Variants in PCDHGA4 observed in about 807,000 individuals in gnomAD.
PCDHGA4 encodes the protein protocadherin gamma-A4.
PCDHGA4 carries 38 observed loss-of-function variants against 54.6 expected under a neutral mutation model. The ratio of observed to expected loss-of-function variants is 0.70; its 90% CI spans 0.54 to 0.91. The LOEUF (loss-of-function observed/expected upper bound fraction) is 0.91. PCDHGA4 is among the 40% of genes least tolerant of loss of function. PCDHGA4 has a pLI of 0.00. For synonymous variants in PCDHGA4, 511 were observed against 512.9 expected, an observed-to-expected ratio of 1.00 and a Z score of 0.05; for missense variants, 1,298 against 1,220.9, an observed-to-expected ratio of 1.06 and a Z score of -0.94.
chr5:141,372,491 C>A (rs1413236125), intron 1 of PCDHGA4: 2 of 1,613,944 alleles, frequency 1.2e-6, no homozygotes, highest in Non-Finnish European at 1.7e-6. Flanking sequence ...TGGCCTTGAT[C>A]TCAGTGCTCT....
chr5:141,489,089 A>C lies in PCDHGA4; in HGVS notation c.2515-5718A>C. 6 of 284,452 alleles carry C rather than the reference A, an allele frequency of 2.1e-5. No individual in the cohort carries two copies. The highest frequency in any genetic ancestry group is 5.7e-5 in the East Asian group (1 of 17,568). The allele number at this position is 284,452 out of a possible 1,614,324, so 17.6% of individuals were successfully genotyped here. A position where few individuals can be genotyped will look rare whatever the true frequency, so the allele number is the denominator to read the frequency against. Reference sequence around the variant, plus strand: ...CCCTGCCCACCCCCGCCACTCGGTGACTAAGAACTGCTGCAAGCAGGCAAA... The same window carrying C: ...CCCTGCCCACCCCCGCCACTCGGTGCCTAAGAACTGCTGCAAGCAGGCAAA... On this transcript the variant is annotated intron_variant, in intron 1 of 3. Transcript: ENST00000571252. This position sits in a 1 kb window ranked among gnomAD's most constrained non-coding sequence, Gnocchi z 4.5.
At chr5:141,428,241 A>C (rs1416124194) in intron 1 of PCDHGA4, 1 of 961,518 alleles carries the variant, frequency 1.0e-6, no homozygotes, top group Admixed American at 2.0e-5. Flanking sequence ...TGCAGGAGGC[A>C]CTGCCAGACT....
chr5:141,470,742 G>T (rs2099238719), intron 1 of PCDHGA4, among the ~76,000 whole-genome samples: 1 of 152,066 alleles, frequency 6.6e-6, no homozygotes, highest in African/African-American at 2.4e-5. Flanking sequence ...CTGTCGCCCT[G>T]GCTGGAGTGC....
chr5:141,375,097 G>T (rs377388001), intron 1 of PCDHGA4: 1 of 1,613,904 alleles, frequency 6.2e-7, no homozygotes, highest in Non-Finnish European at 8.5e-7. Flanking sequence ...TAACTATCTT[G>T]GATGTCAATG....
intron 1 of PCDHGA4, chr5:141,409,747 C>T (rs771456718): frequency 1.2e-6 from 2 of 1,612,994 alleles, no homozygotes; most frequent in East Asian, 2.2e-5. Flanking sequence ...GGGTGGTGTT[C>T]GCGCAGCGCG....
At chr5:141,374,798 A>T in intron 1 of PCDHGA4, 1 of 1,613,784 alleles carries the variant, frequency 6.2e-7, no homozygotes, top group Non-Finnish European at 8.5e-7. Flanking sequence ...GAATGACAAC[A>T]CTCCAATGTT....
At chr5:141,474,965 A>T (rs1268347441) in intron 1 of PCDHGA4, among the ~76,000 whole-genome samples, 1 of 152,236 alleles carries the variant, frequency 6.6e-6, no homozygotes, top group Non-Finnish European at 1.5e-5. Context: ...TATCCTAATC[A>T]TTATAATTTT....
intron 1 of PCDHGA4, among the ~76,000 whole-genome samples, chr5:141,455,959 G>T (rs112864392): frequency 0.11 from 16,680 of 150,504 alleles, 1,459 homozygotes; most frequent in African/African-American, 0.24. Context: ...GTGCAGTGGC[G>T]CGATCTCAGC....
intron 1 of PCDHGA4, among the ~76,000 whole-genome samples, chr5:141,380,531 AT>A (rs543704325): frequency 5.7e-4 from 87 of 152,348 alleles, no homozygotes; most frequent in African/African-American, 2.0e-3. Flanking sequence ...AATGATTTCA[AT>A]TTGATACAAT....
intron 1 of PCDHGA4, chr5:141,404,899 T>C (rs768489392): frequency 6.2e-7 from 1 of 1,613,718 alleles, no homozygotes; most frequent in East Asian, 2.2e-5. Flanking sequence ...TACAGGACCA[T>C]GGCCAGCCCC....
At position 141,497,121 on chromosome 5, in the gene PCDHGA4, G is replaced by T. The variant is rs185298630; in HGVS notation, c.2573+2256G>T. Among the ~76,000 whole-genome samples, 563 of 152,212 alleles carry T rather than the reference G, an allele frequency of 3.7e-3. 5 individuals are homozygous for T. The highest frequency in any genetic ancestry group is 0.011 in the Admixed American group (164 of 15,296). On this transcript the variant is annotated intron_variant, in intron 2 of 3. Coordinates refer to ENST00000571252, the MANE Select transcript of PCDHGA4 (RefSeq NM_018917.4). Reference sequence around the variant, plus strand: ...GAACTGCTTGAACCCGGAAGGCAGAGGTTGCAGTGAGCTGAGATCACGAAA... The same window carrying T: ...GAACTGCTTGAACCCGGAAGGCAGATGTTGCAGTGAGCTGAGATCACGAAA...
rs1760157547 is a variant in PCDHGA4, at chr5:141,356,225, A to T, written c.1118A>T (p.Asp373Val). Residue 373 changes from aspartate (D) to valine (V), a missense_variant, in exon 1 of 4, where the codon GAC (aspartate) becomes GTC (valine). By Grantham distance (152) the Asp-to-Val change is radical (BLOSUM62 -3). Transcript: ENST00000571252. The part of the protein sequence containing the change: ...KVLVTVLDEN[D>V]NAPEVTVTSL... ...CTGGTGACAGTTCTGGATGAAAATG[A>T]CAACGCACCAGAAGTCACAGTTACA... 3.8e-6 allele frequency: 6 copies of T among 1,596,084 alleles called. No homozygotes were observed. The highest frequency in any genetic ancestry group is 5.1e-6 in the Non-Finnish European group (6 of 1,170,762).
chr5:141,414,587 G>C (rs775783880), intron 1 of PCDHGA4: 3 of 1,613,828 alleles, frequency 1.9e-6, no homozygotes, highest in Admixed American at 3.3e-5. Context: ...AACAACGCCA[G>C]GGGTGCCTCC....
Position 141,489,090 on chromosome 5 carries a change from C to CAAA in PCDHGA4, c.2515-5717_2515-5716insAAA. ...CCTGCCCACCCCCGCCACTCGGTGA[C>CAAA]TAAGAACTGCTGCAAGCAGGCAAAC... is the stretch of plus-strand genomic sequence containing the variant. On this transcript the variant is annotated intron_variant, in intron 1 of 3. Transcript: ENST00000571252. The surrounding 1 kb of genome is among the most constrained non-coding windows in gnomAD (Gnocchi z 4.5). 7 of 328,768 alleles carry CAAA rather than the reference C, an allele frequency of 2.1e-5. No homozygotes were observed. The highest frequency in any genetic ancestry group is 6.1e-5 in the Admixed American group (1 of 16,494). The allele number at this position is 328,768 out of a possible 1,614,324, so 20.4% of individuals were successfully genotyped here. A position where few individuals can be genotyped will look rare whatever the true frequency, so the allele number is the denominator to read the frequency against.
chr5:141,425,585 A>T (rs1270579511), intron 1 of PCDHGA4, among the ~76,000 whole-genome samples: 1 of 152,252 alleles, frequency 6.6e-6, no homozygotes, highest in Non-Finnish European at 1.5e-5. Context: ...GGCTAACTTT[A>T]TTCTGAATAT....
chr5:141,383,890 G>A lies in PCDHGA4; in HGVS notation c.2514+26269G>A, dbSNP rs1274384804. 3.1e-6 allele frequency: 5 copies of A among 1,613,936 alleles called. No individual in the cohort carries two copies. Among genetic ancestry groups the A allele is most frequent in the Non-Finnish European group, 4.2e-6 (5 of 1,179,896 alleles). On this transcript the variant is annotated intron_variant, in intron 1 of 3. Transcript: ENST00000571252. The stretch of plus-strand genomic sequence containing the variant: ...AGATGGTCCTGGTAGTCTGACAAAG[G>A]CAAAAGTACTGATCACAGTTTTAGA...
At chr5:141,408,775 C>T (rs780901987) in intron 1 of PCDHGA4, 7 of 1,611,568 alleles carry the variant, frequency 4.3e-6, no homozygotes, top group Non-Finnish European at 5.9e-6. Context: ...GTGGCAAATA[C>T]CCAGAGTTAT....
Position 141,432,010 on chromosome 5 carries a change from CT to C in PCDHGA4, c.2515-62796del. The C allele has an allele frequency of 6.2e-7, 1 of 1,614,068 alleles. No individual in the cohort carries two copies. Among genetic ancestry groups the C allele is most frequent in the Non-Finnish European group, 8.5e-7 (1 of 1,180,022 alleles). ...TCTTGGATAGGGAACAGGTTCCTAG[CT>C]ACAACATCACAGTGACCGCCACTGA... On this transcript the variant is annotated intron_variant, in intron 1 of 3. Coordinates refer to ENST00000571252, the MANE Select transcript of PCDHGA4 (RefSeq NM_018917.4). This position sits in a 1 kb window ranked among gnomAD's most constrained non-coding sequence, Gnocchi z 6.0.
chr5:141,390,264 G>C lies in PCDHGA4; in HGVS notation c.2514+32643G>C, dbSNP rs771554792. 18 of 1,614,004 alleles carry C rather than the reference G, an allele frequency of 1.1e-5. No individual in the cohort carries two copies. In the African/African-American group the frequency reaches 2.1e-4, roughly 19 times the overall value. Reference sequence around the variant, plus strand: ...CTTATTTCCACTTTGTAATTCCAGTGAATTGACTTCCCATCAGGTGAGTTT... The same window carrying C: ...CTTATTTCCACTTTGTAATTCCAGTCAATTGACTTCCCATCAGGTGAGTTT... On this transcript the variant is annotated intron_variant, in intron 1 of 3. Coordinates refer to ENST00000571252, the MANE Select transcript of PCDHGA4 (RefSeq NM_018917.4).
Sources: allele counts gnomAD v4.1 joint callset (sites outside exome capture counted in the v4.1 genomes callset), GRCh38; gene constraint gnomAD v4.1.1; non-coding constraint Gnocchi (gnomAD v3.1); transcripts MANE v1.5; gene names NCBI Gene and HGNC (gene_info 2026-07-23, HGNC 2026-07-21).